The following PDK1 variants were observed in gnomAD, a reference collection of about 807,000 sequenced individuals.
The protein encoded by PDK1 is pyruvate dehydrogenase kinase 1, also known as [Pyruvate dehydrogenase (acetyl-transferring)] kinase isozyme 1, mitochondrial.
In PDK1, 39 loss-of-function variants were observed where a neutral mutation model predicts 54.2. That is an observed-to-expected ratio of 0.72 (90% CI 0.56 to 0.94). The LOEUF is 0.94. Ranked by LOEUF, PDK1 falls within the 40% of genes least tolerant of loss-of-function variation. The pLI is 0.00. For synonymous variants in PDK1, 221 were observed against 207.1 expected (o/e 1.07, Z -0.58); for missense variants, 552 against 566.0 (o/e 0.98, Z 0.25).
At chr2:172,680,108 C>G in the PDK1 span, among the ~76,000 whole-genome samples, 4 of 152,154 alleles carry the variant, frequency 2.6e-5, no homozygotes, top group African/African-American at 7.2e-5. Flanking sequence ...CCCCCAAGTT[C>G]AACCCCTAAT....
chr2:172,556,338 T>A lies in PDK1; in HGVS notation c.188T>A (p.Leu63Gln). 6.9e-7 allele frequency: 1 copy of A among 1,453,296 alleles called. No homozygotes were observed. The highest frequency in any genetic ancestry group is 9.1e-7 in the Non-Finnish European group (1 of 1,104,882). The allele number at this position is 1,453,296 out of a possible 1,614,324, so 90.0% of individuals were successfully genotyped here. Residue 63 changes from leucine (L) to glutamine (Q), a missense_variant, in exon 1 of 11, where the codon CTG (leucine) becomes CAG (glutamine). Coordinates refer to ENST00000282077, the MANE Select transcript of PDK1 (RefSeq NM_002610.5). ...SPSPLSMKQF[L>Q]DFGSVNACEK... ...TCCCCGCTCTCCATGAAGCAGTTCC[T>A]GGACTTCGGTGAGTGCGGCCCGGGA...
At chr2:172,660,840 T>A in the PDK1 span, among the ~76,000 whole-genome samples, 1 of 152,136 alleles carries the variant, frequency 6.6e-6, no homozygotes, top group African/African-American at 2.4e-5. Flanking sequence ...AGGTGCAGGG[T>A]CTCTGCCCTG....
At position 172,595,985 on chromosome 2, in the gene PDK1, C is replaced by T. The variant is rs773506156; in HGVS notation, c.*16C>T. On this transcript the variant is annotated 3_prime_UTR_variant, in exon 11 of 11. Transcript: ENST00000282077. ...CAGTGCCTAGACACACTTGGGACAT[C>T]GGAAAATCCAAATGTGGCTTTTGTA... is the stretch of plus-strand genomic sequence containing the variant. 22 of 1,594,468 alleles carry T rather than the reference C, an allele frequency of 1.4e-5. No individual in the cohort carries two copies. The highest frequency in any genetic ancestry group is 5.4e-5 in the African/African-American group (4 of 74,438).
At chr2:172,674,381 G>A in the PDK1 span, 2 of 152,532 alleles carry the variant, frequency 1.3e-5, no homozygotes, top group African/African-American at 4.8e-5. Flanking sequence ...AGGTCAGCCG[G>A]GTGGATATCT....
At chr2:172,702,445 C>T in the PDK1 span, among the ~76,000 whole-genome samples, 1 of 150,610 alleles carries the variant, frequency 6.6e-6, no homozygotes, top group Non-Finnish European at 1.5e-5. Flanking sequence ...CCATTGCACT[C>T]CAGCCTGGGC....
the PDK1 span, among the ~76,000 whole-genome samples, chr2:172,714,480 A>G: frequency 2.0e-5 from 3 of 152,188 alleles, no homozygotes; most frequent in South Asian, 2.1e-4. Context: ...TTCTGTATCA[A>G]AAATATGCCT....
At chr2:172,668,276 TTA>T in the PDK1 span, among the ~76,000 whole-genome samples, 6 of 128,588 alleles carry the variant, frequency 4.7e-5, no homozygotes, top group East Asian at 8.7e-4. Flanking sequence ...CTTTCTTTCT[TTA>T]TTTTTTTTTT....
At chr2:172,634,164 C>T in the PDK1 span, among the ~76,000 whole-genome samples, 4 of 150,758 alleles carry the variant, frequency 2.7e-5, no homozygotes, top group South Asian at 2.1e-4. Context: ...AGGCGTGAGC[C>T]GATGCGCCTG....
chr2:172,572,821 G>A (rs1689356120), intron 8 of PDK1, among the ~76,000 whole-genome samples: 1 of 152,146 alleles, frequency 6.6e-6, no homozygotes, highest in Non-Finnish European at 1.5e-5. Context: ...TTTTCTGTTT[G>A]TGTATTTCTC....
At chr2:172,711,515 T>C in the PDK1 span, among the ~76,000 whole-genome samples, 1 of 152,150 alleles carries the variant, frequency 6.6e-6, no homozygotes, top group Non-Finnish European at 1.5e-5. Context: ...GTAATGAGAA[T>C]AGGAATTTGG....
intron 8 of PDK1, among the ~76,000 whole-genome samples, chr2:172,583,314 C>G (rs887097950): frequency 2.5e-5 from 1 of 39,990 alleles, no homozygotes; most frequent in Non-Finnish European, 4.4e-5. Context: ...TTTTTTTTTA[C>G]TGAGCAGAGT....
At chr2:172,633,045 T>G in the PDK1 span, among the ~76,000 whole-genome samples, 1 of 150,288 alleles carries the variant, frequency 6.7e-6, no homozygotes, top group Non-Finnish European at 1.5e-5. Context: ...TTTTATTTAA[T>G]ATTTTTTCCT....
chr2:172,667,782 TG>T, the PDK1 span, among the ~76,000 whole-genome samples: 4 of 152,224 alleles, frequency 2.6e-5, no homozygotes, highest in Non-Finnish European at 4.4e-5. Context: ...CTTCTGGTTT[TG>T]GGCTCTCTGC....
the PDK1 span, among the ~76,000 whole-genome samples, chr2:172,677,812 A>G: frequency 6.6e-6 from 1 of 152,260 alleles, no homozygotes. Flanking sequence ...GATGGTCAAA[A>G]TAAGGTAAAT....
At chr2:172,671,691 C>T in the PDK1 span, among the ~76,000 whole-genome samples, 5 of 151,908 alleles carry the variant, frequency 3.3e-5, no homozygotes, top group African/African-American at 1.2e-4. Context: ...TCTGAGCACA[C>T]GTGAGTCATA....
At chr2:172,641,227 A>G in the PDK1 span, among the ~76,000 whole-genome samples, 2 of 151,790 alleles carry the variant, frequency 1.3e-5, no homozygotes, top group Non-Finnish European at 2.9e-5. Flanking sequence ...CCTGGGCTCA[A>G]GCAATCCTCT....
chr2:172,556,619 C>A (rs1688345655), intron 1 of PDK1: 2 of 333,852 alleles, frequency 6.0e-6, no homozygotes, highest in Admixed American at 5.0e-5. Context: ...TCCCGGCGCA[C>A]GTGTGCAGGT....
the PDK1 span, among the ~76,000 whole-genome samples, chr2:172,705,506 G>A: frequency 6.6e-6 from 1 of 152,194 alleles, no homozygotes; most frequent in Non-Finnish European, 1.5e-5. Flanking sequence ...GCCACTGTAT[G>A]TTTCGCTTTA....
At chr2:172,619,693 G>A in the PDK1 span, among the ~76,000 whole-genome samples, 2 of 152,116 alleles carry the variant, frequency 1.3e-5, no homozygotes, top group African/African-American at 4.8e-5. Flanking sequence ...ATATTGACAG[G>A]ATCTGTGATG....
Sources: gnomAD v4.1 joint callset for allele counts (sites outside exome capture counted in the v4.1 genomes callset) on GRCh38, gnomAD v4.1.1 for gene constraint, MANE v1.5 for transcripts, NCBI Gene and HGNC (gene_info 2026-07-23, HGNC 2026-07-21) for gene names.